Variants in DRAM1 observed in about 807,000 individuals in gnomAD.
DRAM1 encodes the protein DNA damage regulated autophagy modulator 1, also known as DNA damage-regulated autophagy modulator protein 1.
In DRAM1, 25 loss-of-function variants were observed where a neutral mutation model predicts 28.5. That is an observed-to-expected ratio of 0.88 (90% confidence interval 0.64 to 1.23). DRAM1 has a LOEUF of 1.23. Ranked by LOEUF, DRAM1 falls within the 50% of genes most tolerant of loss-of-function variation. The pLI is 0.00. For synonymous variants in DRAM1, 113 were observed against 114.2 expected (o/e 0.99, Z 0.07); for missense variants, 249 against 299.2 (o/e 0.83, Z 1.24).
Position 101,914,190 on chromosome 12 carries a change from A to T in DRAM1, c.537A>T (p.Ser179=), listed in dbSNP as rs375744199. ...AAVIPMIVCA[S]LISITKLEWN... is the part of the protein sequence containing the mutation. Reference sequence around the variant, plus strand: ...TTCTTTCAGTGATTGTCTGTGCTTCACTAATTTCCATAACCAAGCTGGAGT... The same window carrying T: ...TTCTTTCAGTGATTGTCTGTGCTTCTCTAATTTCCATAACCAAGCTGGAGT... Residue 179 remains serine, a synonymous_variant, in exon 5 of 7, where the codon TCA becomes TCT. Coordinates refer to ENST00000258534, the MANE Select transcript of DRAM1 (RefSeq NM_018370.3). The T allele has an allele frequency of 6.2e-7, 1 of 1,609,076 alleles. No individual in the cohort carries two copies. The highest frequency in any genetic ancestry group is 1.3e-5 in the African/African-American group (1 of 74,732).
intron 3 of DRAM1, among the ~76,000 whole-genome samples, chr12:101,902,842 A>G (rs1032014451): frequency 6.6e-6 from 1 of 151,992 alleles, no homozygotes; most frequent in Non-Finnish European, 1.5e-5. Context: ...TTTTCGTCAT[A>G]TCAGGAGCAA....
chr12:101,915,910 G>T (rs1254912586), intron 5 of DRAM1, among the ~76,000 whole-genome samples: 1 of 152,144 alleles, frequency 6.6e-6, no homozygotes, highest in Non-Finnish European at 1.5e-5. Flanking sequence ...TTAGATGAGT[G>T]TTAGACAGAA....
intron 1 of DRAM1, among the ~76,000 whole-genome samples, chr12:101,885,280 T>A (rs1056195050): frequency 1.3e-5 from 2 of 152,228 alleles, no homozygotes; most frequent in African/African-American, 4.8e-5. Flanking sequence ...ACATTTAACT[T>A]TAAAGAAAGT....
intron 3 of DRAM1, among the ~76,000 whole-genome samples, chr12:101,903,619 T>C (rs1171532902): frequency 6.6e-6 from 1 of 152,112 alleles, no homozygotes; most frequent in Non-Finnish European, 1.5e-5. Flanking sequence ...CACAGTATGG[T>C]GACTATAGTT....
intron 2 of DRAM1, among the ~76,000 whole-genome samples, chr12:101,899,988 A>G (rs1012212894): frequency 6.6e-6 from 1 of 152,210 alleles, no homozygotes. Context: ...TAAAGGGAAT[A>G]TGTATCTAAA....
At chr12:101,880,396 C>T (rs943426020) in intron 1 of DRAM1, among the ~76,000 whole-genome samples, 1 of 149,406 alleles carries the variant, frequency 6.7e-6, no homozygotes. Context: ...AAGCAATTCT[C>T]CTGACTCAGC....
At chr12:101,881,948 C>T (rs1389793023) in intron 1 of DRAM1, among the ~76,000 whole-genome samples, 4 of 152,196 alleles carry the variant, frequency 2.6e-5, no homozygotes, top group African/African-American at 7.2e-5. Context: ...TTCTGAATGA[C>T]TATTTCTTGG....
chr12:101,903,011 C>T (rs559403131), intron 3 of DRAM1, among the ~76,000 whole-genome samples: 53 of 152,032 alleles, frequency 3.5e-4, no homozygotes, highest in African/African-American at 1.1e-3. Flanking sequence ...ACCTCCGCCC[C>T]GGGTTCAAGT....
chr12:101,912,473 C>G (rs531230412), intron 4 of DRAM1, among the ~76,000 whole-genome samples: 1 of 152,256 alleles, frequency 6.6e-6, no homozygotes, highest in South Asian at 2.1e-4. Flanking sequence ...TTTCCCTTCT[C>G]CCACCCCCAG....
At chr12:101,912,815 C>T (rs575970857) in intron 4 of DRAM1, among the ~76,000 whole-genome samples, 1 of 151,350 alleles carries the variant, frequency 6.6e-6, no homozygotes, top group Admixed American at 6.6e-5. Flanking sequence ...CTCACTGCCA[C>T]CTCCCAGGTT....
chr12:101,888,543 T>C (rs1872971981), intron 1 of DRAM1, among the ~76,000 whole-genome samples: 1 of 152,240 alleles, frequency 6.6e-6, no homozygotes, highest in East Asian at 1.9e-4. Context: ...TCCCAAACTT[T>C]TGCAGCCCCA....
At chr12:101,895,281 G>A (rs551105198) in intron 1 of DRAM1, among the ~76,000 whole-genome samples, 4 of 131,740 alleles carry the variant, frequency 3.0e-5, no homozygotes, top group African/African-American at 8.5e-5. Flanking sequence ...GGGTTCAAGT[G>A]ATTCTCCTGC....
chr12:101,889,987 ATGT>A lies in DRAM1; in HGVS notation c.132-7872_132-7870del, dbSNP rs546776160. ...AGATGCCAGTAATGAGTACTTTCTA[ATGT>A]TGTGAAGATCAAGTAAGATGTGCCT... On this transcript the variant is annotated intron_variant, in intron 1 of 6. Coordinates refer to ENST00000258534, the MANE Select transcript of DRAM1 (RefSeq NM_018370.3). 107 of 436,506 alleles carry A rather than the reference ATGT, an allele frequency of 2.5e-4. No homozygotes were observed. The East Asian group carries it at 7.1e-3, about 29-fold the overall frequency. The allele number at this position is 436,506 out of a possible 1,614,324, so 27.0% of individuals were successfully genotyped here. A position where few individuals can be genotyped will look rare whatever the true frequency, so the allele number is the denominator to read the frequency against.
chr12:101,919,587 G>A (rs10860820), intron 5 of DRAM1, among the ~76,000 whole-genome samples: 35,457 of 152,038 alleles, frequency 0.23, 5,477 homozygotes, highest in African/African-American at 0.44. Context: ...TATTTACCTT[G>A]GGATGTTAAG....
Position 101,908,272 on chromosome 12 carries a change from C to G in DRAM1, c.429C>G (p.Ile143Met). ...TGTACACGCTCCTACAGTCCATCAT[C>G]TCTTACAAATCATGTCCCCAGTGGA... Reference protein sequence around the residue: ...GVVYTLLQSIISYKSCPQWNS... With the variant: ...GVVYTLLQSIMSYKSCPQWNS... Residue 143 changes from isoleucine to methionine, a missense_variant, in exon 4 of 7, where the codon ATC (isoleucine) becomes ATG (methionine). Transcript: ENST00000258534. 1 of 1,614,200 alleles carries G rather than the reference C, an allele frequency of 6.2e-7. No individual in the cohort carries two copies. Among genetic ancestry groups the G allele is most frequent in the East Asian group, 2.2e-5 (1 of 44,880 alleles).
At chr12:101,912,706 G>A (rs1874087591) in intron 4 of DRAM1, among the ~76,000 whole-genome samples, 1 of 151,694 alleles carries the variant, frequency 6.6e-6, no homozygotes, top group East Asian at 1.9e-4. Context: ...ATTCAGAGGA[G>A]GCTCTAAACT....
chr12:101,915,588 G>C (rs1874209860), intron 5 of DRAM1, among the ~76,000 whole-genome samples: 1 of 151,710 alleles, frequency 6.6e-6, no homozygotes, highest in African/African-American at 2.4e-5. Flanking sequence ...TGTTGCCTAG[G>C]CTGGAGTGCA....
intron 1 of DRAM1, among the ~76,000 whole-genome samples, chr12:101,888,562 T>C (rs1392059998): frequency 6.6e-6 from 1 of 152,194 alleles, no homozygotes; most frequent in Non-Finnish European, 1.5e-5. Context: ...CAAAATTAAC[T>C]GAGGGTGATG....
intron 3 of DRAM1, among the ~76,000 whole-genome samples, chr12:101,906,748 G>A (rs768623275): frequency 3.3e-5 from 5 of 151,676 alleles, no homozygotes; most frequent in African/African-American, 1.2e-4. Flanking sequence ...CCAACTACTC[G>A]GGAGGCTGGG....
Sources: gnomAD v4.1 joint callset for allele counts (sites outside exome capture counted in the v4.1 genomes callset) on GRCh38, gnomAD v4.1.1 for gene constraint, MANE v1.5 for transcripts, NCBI Gene and HGNC (gene_info 2026-07-23, HGNC 2026-07-21) for gene names.